PKHD1: variants seen among roughly 807,000 people sequenced by gnomAD.
PKHD1 encodes fibrocystin.
A neutral mutation model predicts 412.0 loss-of-function variants in PKHD1; 291 were observed. That is an observed-to-expected ratio of 0.71 (90% confidence interval 0.64 to 0.78). The LOEUF is 0.78. PKHD1 is among the 30% of genes least tolerant of loss of function. PKHD1 has a pLI of 0.00. For synonymous variants in PKHD1, 1,777 were observed against 1,821.5 expected, an observed-to-expected ratio of 0.98 and a Z score of 0.62; for missense variants, 4,825 against 4,950.7, an observed-to-expected ratio of 0.97 and a Z score of 0.76.
intron 60 of PKHD1, among the ~76,000 whole-genome samples, chr6:51,718,959 G>C (rs1314440841): frequency 6.6e-6 from 1 of 152,006 alleles, no homozygotes; most frequent in South Asian, 2.1e-4. Context: ...TACTTAAACT[G>C]TTTTGATATT....
intron 49 of PKHD1, among the ~76,000 whole-genome samples, chr6:51,850,776 T>A (rs1772077274): frequency 6.6e-6 from 1 of 152,222 alleles, no homozygotes; most frequent in South Asian, 2.1e-4. Context: ...AAGTTGCTTA[T>A]CAGTTCAAGA....
At chr6:51,910,070 A>C (rs1728491413) in intron 39 of PKHD1, among the ~76,000 whole-genome samples, 1 of 152,062 alleles carries the variant, frequency 6.6e-6, no homozygotes, top group Non-Finnish European at 1.5e-5. Context: ...AACACACACA[A>C]CTACAAATGC....
intron 37 of PKHD1, among the ~76,000 whole-genome samples, chr6:51,919,847 A>T (rs542372210): frequency 6.6e-6 from 1 of 152,198 alleles, no homozygotes; most frequent in Non-Finnish European, 1.5e-5. Flanking sequence ...GGTCCTTCAC[A>T]TCCCTTGTAA....
chr6:51,910,295 T>C (rs1165977619), intron 39 of PKHD1, among the ~76,000 whole-genome samples: 2 of 152,154 alleles, frequency 1.3e-5, no homozygotes, highest in East Asian at 3.9e-4. Flanking sequence ...ATTTTTCATG[T>C]TAATGATCCA....
chr6:51,968,050 C>T lies in PKHD1; in HGVS notation c.5752-8024G>A, dbSNP rs188100766. ...CCTTTGCTTTTTTCCTGTCTTTACA[C>T]CTGAAGGGAAGCAAAATGGATATGT... is the stretch of plus-strand genomic sequence containing the variant. On this transcript the variant is annotated intron_variant, in intron 35 of 66. Transcript: ENST00000371117. Among the ~76,000 whole-genome samples the T allele has an allele frequency of 3.1e-3, 477 of 152,010 alleles. 3 individuals are homozygous for T. The highest frequency in any genetic ancestry group is 0.011 in the African/African-American group (454 of 41,450).
intron 37 of PKHD1, among the ~76,000 whole-genome samples, chr6:51,926,321 T>C (rs769389413): frequency 1.3e-5 from 2 of 152,166 alleles, no homozygotes; most frequent in Non-Finnish European, 2.9e-5. Context: ...AATGACTTCA[T>C]TGGAGCACCT....
At chr6:52,026,748 T>C (rs1241611507) in intron 31 of PKHD1, among the ~76,000 whole-genome samples, 1 of 152,184 alleles carries the variant, frequency 6.6e-6, no homozygotes, top group East Asian at 1.9e-4. Context: ...TTAAAAGTCA[T>C]TGAATCTTGC....
chr6:51,620,561 T>C (rs779664755), intron 66 of PKHD1, among the ~76,000 whole-genome samples: 15 of 152,078 alleles, frequency 9.9e-5, no homozygotes, highest in Non-Finnish European at 1.0e-4. Context: ...CACCACCAAA[T>C]ACATTAACCA....
chr6:51,766,732 G>A (rs1789108111), intron 55 of PKHD1, among the ~76,000 whole-genome samples: 1 of 151,144 alleles, frequency 6.6e-6, no homozygotes. Flanking sequence ...AAGTTTTAGG[G>A]TACATGTGCA....
chr6:51,773,812 T>C (rs1039714323), intron 54 of PKHD1, among the ~76,000 whole-genome samples: 2 of 151,282 alleles, frequency 1.3e-5, no homozygotes, highest in African/African-American at 4.8e-5. Context: ...ATAATCCCAA[T>C]TAATTAGAAC....
Position 51,855,922 on chromosome 6 carries a change from C to T in PKHD1, c.7882G>A (p.Glu2628Lys). 15 of 1,614,086 alleles carry T rather than the reference C, an allele frequency of 9.3e-6. No homozygotes were observed. The highest frequency in any genetic ancestry group is 1.2e-5 in the Non-Finnish European group (14 of 1,179,904). Residue 2628 changes from glutamate (E) to lysine (K), a missense_variant, in exon 49 of 67, where the codon GAG becomes AAG. Transcript: ENST00000371117. ...LDQETYSLQS[E>K]NLWINRSLQY... The stretch of plus-strand genomic sequence containing the variant: ...AGAGATCTGTTGATCCAAAGGTTCT[C>T]AGATTGCAATGAGTAGGTCTCTTGG...
At position 51,979,607 on chromosome 6, in the gene PKHD1, C is replaced by T. The variant is rs990197452; in HGVS notation, c.5752-19581G>A. Among the ~76,000 whole-genome samples, 4 of 152,122 alleles carry T rather than the reference C, an allele frequency of 2.6e-5. No homozygotes were observed. The South Asian group carries it at 6.3e-4, about 24-fold the overall frequency. ...CCCACACATACAGTCACCCACCTGACCTGCCTCCCACACACACTTAGAATA... is the reference window on the plus strand; with the variant it reads ...CCCACACATACAGTCACCCACCTGATCTGCCTCCCACACACACTTAGAATA... On this transcript the variant is annotated intron_variant, in intron 35 of 66. Coordinates refer to ENST00000371117, the MANE Select transcript of PKHD1 (RefSeq NM_138694.4).
In PKHD1 at chr6:52,055,696, G is replaced by A. The variant is rs1807611207; in HGVS notation, c.1727C>T (p.Thr576Ile). Residue 576 changes from threonine to isoleucine, a missense_variant, in exon 19 of 67, where the codon ACC (threonine) becomes ATC (isoleucine). By Grantham distance (89) the Thr-to-Ile change is moderately conservative. Coordinates refer to ENST00000371117, the MANE Select transcript of PKHD1 (RefSeq NM_138694.4). ...GCCACAGAAGGGCTCCGTCCCACTG[G>A]TGAGGTCCCCATCAGAGTTGGAAAC... ...PEVSNSDGDL[T>I]SGTEPFCGRF... 6.2e-7 allele frequency: 1 copy of A among 1,613,800 alleles called. No homozygotes were observed. The highest frequency in any genetic ancestry group is 1.7e-5 in the Admixed American group (1 of 59,998).
In PKHD1 at chr6:51,832,609, A is replaced by T. The variant is rs553646610; in HGVS notation, c.8174-1620T>A. Among the ~76,000 whole-genome samples the T allele has an allele frequency of 2.0e-4, 30 of 152,200 alleles. No individual in the cohort carries two copies. In the South Asian group the frequency reaches 5.0e-3, roughly 25 times the overall value. On this transcript the variant is annotated intron_variant, in intron 51 of 66. Coordinates refer to ENST00000371117, the MANE Select transcript of PKHD1 (RefSeq NM_138694.4). ...GGTCTCCAGATGGAGCTATACAGCA[A>T]GCAGTGGAAAAATATGAATTGGAAA...
chr6:51,669,965 A>G (rs1256496138), intron 60 of PKHD1, among the ~76,000 whole-genome samples: 1 of 151,328 alleles, frequency 6.6e-6, no homozygotes, highest in Non-Finnish European at 1.5e-5. Context: ...CTTTACTTCC[A>G]ACTATGTGGT....
At chr6:51,922,772 G>A (rs2127718852) in intron 37 of PKHD1, among the ~76,000 whole-genome samples, 1 of 152,306 alleles carries the variant, frequency 6.6e-6, no homozygotes, top group East Asian at 1.9e-4. Flanking sequence ...ATCTCCTGGT[G>A]TGCCATTTTC....
intron 52 of PKHD1, among the ~76,000 whole-genome samples, chr6:51,792,897 T>A (rs1582720955): frequency 1.3e-5 from 2 of 152,218 alleles, no homozygotes; most frequent in African/African-American, 4.8e-5. Context: ...AGACACATTA[T>A]TCAAATTATA....
chr6:51,772,262 T>C (rs1245557034), intron 55 of PKHD1, among the ~76,000 whole-genome samples: 1 of 152,030 alleles, frequency 6.6e-6, no homozygotes, highest in Non-Finnish European at 1.5e-5. Flanking sequence ...AAGCAATGAC[T>C]CTGTTCTTTA....
intron 37 of PKHD1, among the ~76,000 whole-genome samples, chr6:51,923,860 C>G (rs774000653): frequency 1.8e-4 from 27 of 152,098 alleles, no homozygotes; most frequent in Non-Finnish European, 3.2e-4. Context: ...TAAATACCAG[C>G]TATGTGTACA....
Sources: allele counts gnomAD v4.1 joint callset (sites outside exome capture counted in the v4.1 genomes callset), GRCh38; gene constraint gnomAD v4.1.1; transcripts MANE v1.5; gene names NCBI Gene and HGNC (gene_info 2026-07-23, HGNC 2026-07-21).